The following ADK variants were observed in gnomAD, a reference collection of about 807,000 sequenced individuals.
ADK encodes the protein N6,N6-dimethyladenosine kinase.
A neutral mutation model predicts 44.7 loss-of-function variants in ADK; 24 were observed. The observed-to-expected ratio is 0.54, with a 90% CI of 0.39 to 0.76. ADK has a LOEUF of 0.76. ADK is among the 30% of genes least tolerant of loss of function. The pLI is 0.00. For synonymous variants in ADK, 128 were observed against 142.6 expected, an observed-to-expected ratio of 0.90 and a Z score of 0.73; for missense variants, 321 against 425.1, an observed-to-expected ratio of 0.76 and a Z score of 2.15.
intron 4 of ADK, among the ~76,000 whole-genome samples, chr10:74,375,857 T>C (rs1842803907): frequency 6.6e-6 from 1 of 152,190 alleles, no homozygotes; most frequent in African/African-American, 2.4e-5. Flanking sequence ...CTAATACCTT[T>C]ATGGGTTCTG....
At chr10:74,162,083 C>T (rs1004473002) in intron 1 of ADK, among the ~76,000 whole-genome samples, 1 of 151,942 alleles carries the variant, frequency 6.6e-6, no homozygotes, top group African/African-American at 2.4e-5. Flanking sequence ...TGTAGTGGCA[C>T]GATCTTGGCT....
chr10:74,496,749 G>A (rs567180476), intron 6 of ADK, among the ~76,000 whole-genome samples: 20 of 152,160 alleles, frequency 1.3e-4, no homozygotes, highest in African/African-American at 4.1e-4. Context: ...GATTATAGGC[G>A]TGAACCACCA....
chr10:74,621,976 CT>C (rs1853010569), intron 9 of ADK, among the ~76,000 whole-genome samples: 1 of 152,134 alleles, frequency 6.6e-6, no homozygotes, highest in African/African-American at 2.4e-5. Flanking sequence ...CAAATTTTAT[CT>C]GTTTTGTGTA....
In ADK at chr10:74,538,327, A is replaced by C. The variant is rs144329073; in HGVS notation, c.726+12901A>C. The stretch of plus-strand genomic sequence containing the variant: ...TTGCTGGCAGTGTTCCTGCATTGCA[A>C]ATTTTCTTATAGGAAAGCCATTTTG... On this transcript the variant is annotated intron_variant, in intron 7 of 10. Coordinates refer to ENST00000539909, the MANE Select transcript of ADK (RefSeq NM_006721.4). Among the ~76,000 whole-genome samples the C allele has an allele frequency of 9.2e-5, 14 of 152,194 alleles. 1 individual carries two copies. Among genetic ancestry groups the C allele is most frequent in the Admixed American group, 7.2e-4 (11 of 15,280 alleles).
chr10:74,648,825 A>G (rs1378640313), intron 9 of ADK, among the ~76,000 whole-genome samples: 1 of 152,220 alleles, frequency 6.6e-6, no homozygotes, highest in Non-Finnish European at 1.5e-5. Context: ...GTTGGTAACA[A>G]TTCAAACTAG....
intron 4 of ADK, among the ~76,000 whole-genome samples, chr10:74,359,917 C>T (rs1378836654): frequency 6.6e-6 from 1 of 151,564 alleles, no homozygotes; most frequent in Non-Finnish European, 1.5e-5. Context: ...AAATGGTTTG[C>T]TTTCTTGATT....
chr10:74,440,821 G>A (rs1222853125), intron 6 of ADK, among the ~76,000 whole-genome samples: 1 of 152,096 alleles, frequency 6.6e-6, no homozygotes, highest in Non-Finnish European at 1.5e-5. Context: ...CATTATAAAG[G>A]TAATATGACA....
intron 3 of ADK, among the ~76,000 whole-genome samples, chr10:74,260,397 G>A (rs1368501519): frequency 6.6e-6 from 1 of 152,148 alleles, no homozygotes; most frequent in Non-Finnish European, 1.5e-5. Flanking sequence ...AGCTTCCTGT[G>A]CAGCTGGGAC....
chr10:74,670,338 C>T lies in ADK; in HGVS notation c.964+69C>T, dbSNP rs1166390667. On this transcript the variant is annotated intron_variant, in intron 10 of 10. Coordinates refer to ENST00000539909, the MANE Select transcript of ADK (RefSeq NM_006721.4). Reference sequence around the variant, plus strand: ...TTAACCCTTGTTTCTACCATATAACCAAGATTTATTCATTTAGTAACTTCT... The same window carrying T: ...TTAACCCTTGTTTCTACCATATAACTAAGATTTATTCATTTAGTAACTTCT... 5 of 1,192,502 alleles carry T rather than the reference C, an allele frequency of 4.2e-6. No individual in the cohort carries two copies. The Admixed American group carries it at 8.9e-5, about 21-fold the overall frequency. The allele number at this position is 1,192,502 out of a possible 1,614,324, so 73.9% of individuals were successfully genotyped here.
At chr10:74,665,044 T>A (rs925458004) in intron 9 of ADK, among the ~76,000 whole-genome samples, 1 of 152,050 alleles carries the variant, frequency 6.6e-6, no homozygotes, top group Non-Finnish European at 1.5e-5. Context: ...TATTAAGGGG[T>A]AAAAGGCATA....
chr10:74,673,588 A>G lies in ADK; in HGVS notation c.964+3319A>G, dbSNP rs538684550. On this transcript the variant is annotated intron_variant, in intron 10 of 10. Transcript: ENST00000539909. ...AAGGGAAGCTGCCCGTGACCCCTGG[A>G]TCCCCAGAGGAAGCGTTACAGTGCC... is the stretch of plus-strand genomic sequence containing the variant. 1.4e-4 allele frequency among the ~76,000 whole-genome samples: 22 copies of G among 152,292 alleles called. No individual in the cohort carries two copies. The South Asian group carries it at 4.6e-3, about 32-fold the overall frequency.
At chr10:74,446,240 CCCTTGTT>C (rs1845581984) in intron 6 of ADK, among the ~76,000 whole-genome samples, 1 of 151,944 alleles carries the variant, frequency 6.6e-6, no homozygotes, top group African/African-American at 2.4e-5. Context: ...AATTGTGTAA[CCCTTGTT>C]TAATTTACTC....
intron 6 of ADK, among the ~76,000 whole-genome samples, chr10:74,428,953 C>T (rs1188819690): frequency 6.6e-6 from 1 of 152,102 alleles, no homozygotes; most frequent in Non-Finnish European, 1.5e-5. Flanking sequence ...CATCTCAACT[C>T]AATCACAAGA....
In ADK at chr10:74,177,646, C is replaced by T. The variant is rs1202705311; in HGVS notation, c.66-23118C>T. ...ACTATTTATAAAAAGAGATAAATTGCCTTATATACCCAGTGTTCTGACTGG... is the reference window on the plus strand; with the variant it reads ...ACTATTTATAAAAAGAGATAAATTGTCTTATATACCCAGTGTTCTGACTGG... On this transcript the variant is annotated intron_variant, in intron 1 of 10. Transcript: ENST00000539909. Among the ~76,000 whole-genome samples, 4 of 151,976 alleles carry T rather than the reference C, an allele frequency of 2.6e-5. 1 individual carries two copies. The highest frequency in any genetic ancestry group is 2.1e-4 in the South Asian group (1 of 4,818).
chr10:74,254,578 T>C (rs1845758091), intron 3 of ADK, among the ~76,000 whole-genome samples: 1 of 152,200 alleles, frequency 6.6e-6, no homozygotes, highest in Admixed American at 6.5e-5. Context: ...AAAAATATTA[T>C]TCAATAACAC....
chr10:74,555,990 C>G (rs1589244845), intron 7 of ADK, among the ~76,000 whole-genome samples: 1 of 152,178 alleles, frequency 6.6e-6, no homozygotes, highest in East Asian at 1.9e-4. Context: ...AATAGCAGTT[C>G]TCTAAGAAGC....
At chr10:74,323,680 C>G (rs182649515) in intron 4 of ADK, among the ~76,000 whole-genome samples, 2 of 151,804 alleles carry the variant, frequency 1.3e-5, no homozygotes, top group Non-Finnish European at 2.9e-5. Context: ...ACACCATTCT[C>G]CTGCCTCAGC....
At chr10:74,650,135 G>T (rs892230170) in intron 9 of ADK, among the ~76,000 whole-genome samples, 2 of 152,218 alleles carry the variant, frequency 1.3e-5, no homozygotes, top group Middle Eastern at 6.8e-3. Context: ...GAAAGTAATT[G>T]TTGGCCAGTC....
chr10:74,657,543 T>C (rs190386083), intron 9 of ADK, among the ~76,000 whole-genome samples: 52 of 152,328 alleles, frequency 3.4e-4, no homozygotes, highest in East Asian at 1.5e-3. Flanking sequence ...AGAAATATAG[T>C]ACAGTTATTT....
Sources: allele counts gnomAD v4.1 joint callset (sites outside exome capture counted in the v4.1 genomes callset), GRCh38; gene constraint gnomAD v4.1.1; transcripts MANE v1.5; gene names NCBI Gene and HGNC (gene_info 2026-07-23, HGNC 2026-07-21).